Variants in GAB3 observed in about 807,000 individuals in gnomAD.
The protein encoded by GAB3 is GRB2-associated-binding protein 3.
In GAB3, 12 loss-of-function variants were observed where a neutral mutation model predicts 40.4. The observed-to-expected ratio is 0.30, with a 90% CI of 0.19 to 0.48. GAB3 has a LOEUF of 0.48. GAB3 is among the 20% of genes least tolerant of loss of function. GAB3 has a pLI of 0.99. For missense variants in GAB3, 381 were observed against 461.9 expected (o/e 0.82, Z 1.61); for synonymous variants, 154 against 176.7 (o/e 0.87, Z 1.02).
chrX:154,734,551 A>T (rs1003969665), intron 1 of GAB3, among the ~76,000 whole-genome samples: 1 of 112,378 alleles, frequency 8.9e-6, no homozygotes, highest in Non-Finnish European at 1.9e-5. Context: ...GGACGTTCTT[A>T]CAAGGCTCTA....
At chrX:154,701,194 A>G (rs1166017409) in intron 4 of GAB3, among the ~76,000 whole-genome samples, 3 of 111,671 alleles carry the variant, frequency 2.7e-5, no homozygotes, top group Non-Finnish European at 3.8e-5. Context: ...AACCTATTTC[A>G]TAGGACTTCT....
chrX:154,743,658 A>T (rs1331128629), intron 1 of GAB3, among the ~76,000 whole-genome samples: 2 of 111,138 alleles, frequency 1.8e-5, no homozygotes, highest in African/African-American at 6.6e-5. Flanking sequence ...AATATTATTT[A>T]AAGGAAGTCT....
intron 4 of GAB3, among the ~76,000 whole-genome samples, chrX:154,710,457 C>A (rs2148451668): frequency 8.9e-6 from 1 of 111,812 alleles, no homozygotes; most frequent in East Asian, 2.8e-4. Flanking sequence ...AAGTAGGCTC[C>A]AAGGGATAGA....
intron 1 of GAB3, among the ~76,000 whole-genome samples, chrX:154,731,636 T>C (rs1333952310): frequency 1.8e-5 from 2 of 111,213 alleles, no homozygotes; most frequent in Non-Finnish European, 3.8e-5. Context: ...CTCACACCCA[T>C]GGGTGTCCGC....
At chrX:154,721,573 C>T (rs2071133183) in intron 1 of GAB3, among the ~76,000 whole-genome samples, 1 of 112,244 alleles carries the variant, frequency 8.9e-6, no homozygotes, top group Non-Finnish European at 1.9e-5. Flanking sequence ...AAGGTCCCAC[C>T]TCCCAACACT....
chrX:154,742,993 T>C (rs969101347), intron 1 of GAB3, among the ~76,000 whole-genome samples: 3 of 104,382 alleles, frequency 2.9e-5, no homozygotes, highest in Non-Finnish European at 3.9e-5. Flanking sequence ...TACATATATA[T>C]ATATATATAT....
rs369883787 is a variant in GAB3, at chrX:154,728,460, G to A, written c.73-12131C>T. 9.8e-5 allele frequency among the ~76,000 whole-genome samples: 11 copies of A among 112,315 alleles called. No homozygotes were observed. The East Asian group carries it at 2.8e-3, about 28-fold the overall frequency. On this transcript the variant is annotated intron_variant, in intron 1 of 9. Coordinates refer to ENST00000424127, the MANE Select transcript of GAB3 (RefSeq NM_001081573.3). ...TGCTTACAGGTGTTGGTCTCCTTCT[G>A]CGCTGCTTTTTCAGTGGCCTTATTG...
At chrX:154,714,470 C>T (rs1448183862) in intron 2 of GAB3, among the ~76,000 whole-genome samples, 1 of 112,230 alleles carries the variant, frequency 8.9e-6, no homozygotes, top group Non-Finnish European at 1.9e-5. Flanking sequence ...TTGCTGGAGA[C>T]AGAACCAAAC....
intron 1 of GAB3, among the ~76,000 whole-genome samples, chrX:154,747,006 T>C (rs2071538733): frequency 8.9e-6 from 1 of 112,423 alleles, no homozygotes; most frequent in African/African-American, 3.2e-5. Context: ...TACATGGATA[T>C]GGTAAATGGA....
intron 1 of GAB3, among the ~76,000 whole-genome samples, chrX:154,730,024 T>C (rs1184173393): frequency 8.0e-5 from 9 of 112,500 alleles, no homozygotes; most frequent in African/African-American, 2.9e-4. Context: ...TGGTTGCTCC[T>C]GCCACGCTCT....
Position 154,699,417 on chromosome X carries a change from G to T in GAB3, c.1222C>A (p.Pro408Thr), listed in dbSNP as rs2070707404. 8.3e-7 allele frequency: 1 copy of T among 1,211,018 alleles called. No individual in the cohort carries two copies. The highest frequency in any genetic ancestry group is 1.1e-6 in the Non-Finnish European group (1 of 894,777). The change falls in exon 6 of 10, where the codon CCC becomes ACC. Residue 408 changes from proline to threonine, a missense_variant. Transcript: ENST00000424127. The part of the protein sequence containing the change: ...SPQAGASGLG[P>T]HCSPDDYIPM... Reference sequence around the variant, plus strand: ...ATGTAGTCATCAGGGCTGCAGTGGGGTCCAAGACCAGAGGCACCAGCCTGG... The same window carrying T: ...ATGTAGTCATCAGGGCTGCAGTGGGTTCCAAGACCAGAGGCACCAGCCTGG...
Position 154,713,319 on chromosome X carries a change from G to C in GAB3, c.484C>G (p.Pro162Ala). ...AASSSLPRDDPNTNAVATEET... is the reference protein window; with the variant it reads ...AASSSLPRDDANTNAVATEET... ...TCAGTGGCTACGGCATTAGTGTTTGGGTCATCTCTTGGCAAAGAGGAGCTG... is the reference window on the plus strand; with the variant it reads ...TCAGTGGCTACGGCATTAGTGTTTGCGTCATCTCTTGGCAAAGAGGAGCTG... The change falls in exon 3 of 10, where the codon CCA becomes GCA. Residue 162 changes from proline (P) to alanine (A), a missense_variant. Coordinates refer to ENST00000424127, the MANE Select transcript of GAB3 (RefSeq NM_001081573.3). The C allele has an allele frequency of 1.7e-6, 2 of 1,210,275 alleles. No homozygotes were observed. Among genetic ancestry groups the C allele is most frequent in the East Asian group, 5.9e-5 (2 of 33,815 alleles).
At chrX:154,690,493 G>T (rs1557249054) in intron 8 of GAB3, among the ~76,000 whole-genome samples, 1 of 111,705 alleles carries the variant, frequency 9.0e-6, no homozygotes, top group African/African-American at 3.3e-5. Context: ...CTACAAAATG[G>T]GAGAAAACTT....
At position 154,699,441 on chromosome X, in the gene GAB3, G is replaced by T; in HGVS notation, c.1198C>A (p.Gln400Lys). The stretch of plus-strand genomic sequence containing the variant: ...GGTCCAAGACCAGAGGCACCAGCCT[G>T]GGGGCTCATGGGCACATAGCTGTCT... ...IEDSYVPMSP[Q>K]AGASGLGPHC... The change falls in exon 6 of 10, where the codon CAG becomes AAG. Residue 400 changes from glutamine to lysine, a missense_variant. Transcript: ENST00000424127. The T allele has an allele frequency of 8.3e-7, 1 of 1,211,239 alleles. No individual in the cohort carries two copies. The highest frequency in any genetic ancestry group is 1.1e-6 in the Non-Finnish European group (1 of 894,984).
chrX:154,694,712 A>T (rs782687407), intron 8 of GAB3, among the ~76,000 whole-genome samples: 3 of 112,353 alleles, frequency 2.7e-5, no homozygotes, highest in African/African-American at 9.7e-5. Flanking sequence ...CTTTCTCACA[A>T]CATCAAAGAT....
At chrX:154,710,316 C>G (rs1014839690) in intron 4 of GAB3, among the ~76,000 whole-genome samples, 20 of 111,481 alleles carry the variant, frequency 1.8e-4, no homozygotes, top group African/African-American at 6.5e-4. Context: ...TGTCTAGAAC[C>G]TGACCAGCTG....
At chrX:154,691,863 A>G (rs1231298196) in intron 8 of GAB3, among the ~76,000 whole-genome samples, 1 of 111,871 alleles carries the variant, frequency 8.9e-6, no homozygotes, top group Non-Finnish European at 1.9e-5. Context: ...GCATATATTG[A>G]TTTTCAACGA....
intron 4 of GAB3, among the ~76,000 whole-genome samples, chrX:154,707,982 C>T (rs2070838821): frequency 9.0e-6 from 1 of 111,551 alleles, no homozygotes; most frequent in Non-Finnish European, 1.9e-5. Context: ...ACATTATATA[C>T]ACAAATTAAA....
At chrX:154,703,470 T>C (rs1343832291) in intron 4 of GAB3, among the ~76,000 whole-genome samples, 3 of 110,215 alleles carry the variant, frequency 2.7e-5, no homozygotes, top group African/African-American at 9.9e-5. Context: ...CATGGACACA[T>C]AGAGGGGAGC....
Sources: gnomAD v4.1 joint callset for allele counts (sites outside exome capture counted in the v4.1 genomes callset) on GRCh38, gnomAD v4.1.1 for gene constraint, MANE v1.5 for transcripts, NCBI Gene and HGNC (gene_info 2026-07-23, HGNC 2026-07-21) for gene names.